The following CLUL1 variants were observed in gnomAD, a reference collection of about 807,000 sequenced individuals.
CLUL1 encodes the protein clusterin-like protein 1.
In CLUL1, 43 loss-of-function variants were observed where a neutral mutation model predicts 49.4. The ratio of observed to expected loss-of-function variants is 0.87; its 90% confidence interval spans 0.68 to 1.12. The LOEUF is 1.12. CLUL1 is among the 50% of genes most tolerant of loss of function. CLUL1 has a pLI of 0.00. For synonymous variants in CLUL1, 192 were observed against 184.9 expected (o/e 1.04, Z -0.31); for missense variants, 486 against 544.4 (o/e 0.89, Z 1.07).
At chr18:617,243 C>G (rs1372619554) in intron 2 of CLUL1, among the ~76,000 whole-genome samples, 1 of 152,032 alleles carries the variant, frequency 6.6e-6, no homozygotes, top group African/African-American at 2.4e-5. Flanking sequence ...GTTGGTTTTG[C>G]TTTCTTTAAA....
chr18:645,694 T>C lies in CLUL1; in HGVS notation c.1397+597T>C, dbSNP rs1385014241. On this transcript the variant is annotated intron_variant, in intron 9 of 9. Transcript: ENST00000692774. ...CTGTAGTCCCAGCTACTCGGGAGGCTGAGGCAGGAGAATGGCGTGAACCCG... is the reference window on the plus strand; with the variant it reads ...CTGTAGTCCCAGCTACTCGGGAGGCCGAGGCAGGAGAATGGCGTGAACCCG... Among the ~76,000 whole-genome samples the C allele has an allele frequency of 4.1e-5, 6 of 146,706 alleles. No individual in the cohort carries two copies. The Admixed American group carries it at 4.1e-4, about 10-fold the overall frequency.
rs528386438 is a variant in CLUL1 at position 602,346 on chromosome 18, C to G, written c.-135-4632C>G. Among the ~76,000 whole-genome samples, 28 of 152,208 alleles carry G rather than the reference C, an allele frequency of 1.8e-4. No individual in the cohort carries two copies. The East Asian group carries it at 5.4e-3, about 29-fold the overall frequency. Reference sequence around the variant, plus strand: ...TCCAGATCTATTCTCTATTTCTTCCCCTCTCCCTGCCTCCAGGAAGGGGGG... The same window carrying G: ...TCCAGATCTATTCTCTATTTCTTCCGCTCTCCCTGCCTCCAGGAAGGGGGG... On this transcript the variant is annotated intron_variant, in intron 1 of 9. Transcript: ENST00000692774.
At chr18:625,734 G>T (rs183681341) in intron 5 of CLUL1, among the ~76,000 whole-genome samples, 5 of 152,238 alleles carry the variant, frequency 3.3e-5, no homozygotes, top group South Asian at 2.1e-4. Flanking sequence ...CCTTCAAGAA[G>T]TGAGCTGAAT....
chr18:645,197 T>A, intron 9 of CLUL1, 100 bp downstream of exon 9: 1 of 863,762 alleles, frequency 1.2e-6, no homozygotes. Context: ...AAAACATGTT[T>A]AACCTCATTA....
intron 8 of CLUL1, among the ~76,000 whole-genome samples, chr18:642,413 C>A (rs2144184763): frequency 6.6e-6 from 1 of 152,292 alleles, no homozygotes; most frequent in Middle Eastern, 3.4e-3. Flanking sequence ...GCCTGGGCGA[C>A]AGAAGGAGAC....
intron 7 of CLUL1, among the ~76,000 whole-genome samples, chr18:637,945 C>T (rs1371992725): frequency 6.6e-6 from 1 of 151,566 alleles, no homozygotes; most frequent in African/African-American, 2.4e-5. Flanking sequence ...CCAGCCTGGG[C>T]CTCAGAGCGA....
At chr18:645,946 TC>T (rs1429285310) in intron 9 of CLUL1, among the ~76,000 whole-genome samples, 1 of 147,026 alleles carries the variant, frequency 6.8e-6, no homozygotes, top group Non-Finnish European at 1.5e-5. Context: ...TTAAAAATAT[TC>T]AAAAAATTTA....
At chr18:622,043 A>C (rs183168381) in intron 4 of CLUL1, among the ~76,000 whole-genome samples, 4 of 152,284 alleles carry the variant, frequency 2.6e-5, no homozygotes, top group Admixed American at 6.5e-5. Context: ...GGAAAAAAAA[A>C]ATCTGTTTAA....
At chr18:603,653 C>T (rs2072891387) in intron 1 of CLUL1, among the ~76,000 whole-genome samples, 1 of 152,108 alleles carries the variant, frequency 6.6e-6, no homozygotes, top group Non-Finnish European at 1.5e-5. Context: ...TTATTAGATG[C>T]ACTCGTGTGT....
At chr18:608,881 T>C (rs2073055300) in intron 2 of CLUL1, among the ~76,000 whole-genome samples, 1 of 152,242 alleles carries the variant, frequency 6.6e-6, no homozygotes, top group South Asian at 2.1e-4. Context: ...TATAATTTAC[T>C]TGACCATTAT....
intron 6 of CLUL1, among the ~76,000 whole-genome samples, chr18:628,814 T>C (rs966578708): frequency 6.6e-6 from 1 of 151,638 alleles, no homozygotes; most frequent in South Asian, 2.1e-4. Flanking sequence ...GTATTTTTAG[T>C]AGAGACAGGG....
At chr18:638,094 A>G (rs2074209121) in intron 7 of CLUL1, among the ~76,000 whole-genome samples, 2 of 152,244 alleles carry the variant, frequency 1.3e-5, no homozygotes, top group South Asian at 2.1e-4. Flanking sequence ...AGGAAATAAT[A>G]TATCTGCTTC....
chr18:605,689 A>G (rs1391562178), intron 1 of CLUL1, among the ~76,000 whole-genome samples: 1 of 151,862 alleles, frequency 6.6e-6, no homozygotes. Flanking sequence ...TGTTTGTTTT[A>G]TTTTTGAGAA....
chr18:626,739 T>TGC (rs2073717046), intron 5 of CLUL1, among the ~76,000 whole-genome samples: 1 of 149,788 alleles, frequency 6.7e-6, no homozygotes, highest in South Asian at 2.1e-4. Context: ...TGTGCAACTG[T>TGC]AATCCCAGCT....
At position 619,259 on chromosome 18, in the gene CLUL1, G is replaced by A. The variant is rs1410705240; in HGVS notation, c.153G>A (p.Lys51=). The change falls in exon 4 of 10, where the codon AAG becomes AAA. Residue 51 remains lysine, a synonymous_variant. Transcript: ENST00000692774. ...GEIDADEEVK[K]ALTGIKQMKI... is the part of the protein sequence containing the mutation. ...TAGATGCAGATGAAGAGGTGAAGAAGGCTTTGACTGGTATTAAGCAAATGA... is the reference window on the plus strand; with the variant it reads ...TAGATGCAGATGAAGAGGTGAAGAAAGCTTTGACTGGTATTAAGCAAATGA... 1.2e-6 allele frequency: 2 copies of A among 1,613,780 alleles called. No homozygotes were observed. Among genetic ancestry groups the A allele is most frequent in the Non-Finnish European group, 1.7e-6 (2 of 1,179,926 alleles).
intron 5 of CLUL1, among the ~76,000 whole-genome samples, chr18:625,740 T>C (rs144577619): frequency 6.6e-6 from 1 of 152,132 alleles, no homozygotes; most frequent in East Asian, 1.9e-4. Flanking sequence ...AGAAGTGAGC[T>C]GAATACAAAA....
rs571872103 is a variant in CLUL1 at position 612,821 on chromosome 18, C to T, written c.-13-5167C>T. On this transcript the variant is annotated intron_variant, in intron 2 of 9. Transcript: ENST00000692774. Reference sequence around the variant, plus strand: ...TGCAACGCAGAGACCACTGTATCTCCGGTGCAGAATGTAATGAGTGCCTGA... The same window carrying T: ...TGCAACGCAGAGACCACTGTATCTCTGGTGCAGAATGTAATGAGTGCCTGA... The T allele has an allele frequency of 5.2e-5, 8 of 153,142 alleles. No homozygotes were observed. In the East Asian group the frequency reaches 5.7e-4, roughly 11 times the overall value. 9.5% of individuals were successfully genotyped at this position (153,142 alleles called of 1,614,324 possible).
At chr18:628,377 T>C (rs1296632666) in intron 6 of CLUL1, among the ~76,000 whole-genome samples, 9 of 152,194 alleles carry the variant, frequency 5.9e-5, no homozygotes, top group Non-Finnish European at 1.0e-4. Flanking sequence ...AGAATTGCCT[T>C]CTACCAACAC....
At chr18:647,451 A>G (rs2074540675) in intron 9 of CLUL1, among the ~76,000 whole-genome samples, 1 of 152,202 alleles carries the variant, frequency 6.6e-6, no homozygotes, top group Non-Finnish European at 1.5e-5. Flanking sequence ...CTGGACGTCT[A>G]TGCCCAGAGC....
Sources: allele counts gnomAD v4.1 joint callset (sites outside exome capture counted in the v4.1 genomes callset), GRCh38; gene constraint gnomAD v4.1.1; transcripts MANE v1.5; gene names NCBI Gene and HGNC (gene_info 2026-07-23, HGNC 2026-07-21).